NRK: variants seen among roughly 807,000 people sequenced by gnomAD.
NRK encodes Nik related kinase, also known as nik-related protein kinase.
NRK carries 67 observed loss-of-function variants against 125.2 expected under a neutral mutation model. The ratio of observed to expected loss-of-function variants is 0.54; its 90% confidence interval spans 0.44 to 0.66. The LOEUF is 0.66. NRK is among the 30% of genes least tolerant of loss of function. NRK has a pLI of 0.00. For synonymous variants in NRK, 458 were observed against 429.0 expected, an observed-to-expected ratio of 1.07 and a Z score of -0.84; for missense variants, 1,224 against 1,192.9, an observed-to-expected ratio of 1.03 and a Z score of -0.38.
At chrX:105,888,151 T>C (rs750813975) in intron 4 of NRK, 143 bp from the exon 5 acceptor site, 51 of 446,015 alleles carry the variant, frequency 1.1e-4, no homozygotes, top group Non-Finnish European at 1.6e-4. Flanking sequence ...TCACTGACCA[T>C]TTTAGTTGAG....
At chrX:105,846,469 T>G (rs1307997622) in intron 2 of NRK, among the ~76,000 whole-genome samples, 1 of 107,739 alleles carries the variant, frequency 9.3e-6, no homozygotes. Context: ...GAATATACTG[T>G]TTTTTTTTTC....
At chrX:105,870,587 C>A (rs1016543823) in intron 2 of NRK, among the ~76,000 whole-genome samples, 3 of 111,735 alleles carry the variant, frequency 2.7e-5, no homozygotes, top group African/African-American at 9.8e-5. Flanking sequence ...CTTTATTGTC[C>A]ATTTTGTACA....
At chrX:105,942,649 C>T (rs1267664539) in intron 23 of NRK, among the ~76,000 whole-genome samples, 5 of 111,602 alleles carry the variant, frequency 4.5e-5, no homozygotes, top group South Asian at 7.6e-4. Flanking sequence ...GGCAGAGTCT[C>T]GCTCTGTTGC....
rs969225506 is a variant in NRK at position 105,943,082 on chromosome X, G to T, written c.3959-859G>T. Among the ~76,000 whole-genome samples, 7 of 110,347 alleles carry T rather than the reference G, an allele frequency of 6.3e-5. No individual in the cohort carries two copies. In the Admixed American group the frequency reaches 6.7e-4, roughly 11 times the overall value. ...TTTTTCCTTTTCTTGCCTTATATTTGGGTGTCAAATATCAGAATTCATTGC... is the reference window on the plus strand; with the variant it reads ...TTTTTCCTTTTCTTGCCTTATATTTTGGTGTCAAATATCAGAATTCATTGC... On this transcript the variant is annotated intron_variant, in intron 23 of 28. Coordinates refer to ENST00000243300, the MANE Select transcript of NRK (RefSeq NM_198465.4).
rs1229374095 is a variant in NRK at position 105,824,898 on chromosome X, A to G, written c.57+1996A>G. ...TTTCCAGACTTAATGAAAGTCTCATAAAGTCCTCAGATTCTAACAATTTCT... is the reference window on the plus strand; with the variant it reads ...TTTCCAGACTTAATGAAAGTCTCATGAAGTCCTCAGATTCTAACAATTTCT... On this transcript the variant is annotated intron_variant, in intron 1 of 28. Coordinates refer to ENST00000243300, the MANE Select transcript of NRK (RefSeq NM_198465.4). Among the ~76,000 whole-genome samples, 4 of 111,644 alleles carry G rather than the reference A, an allele frequency of 3.6e-5. No homozygotes were observed. In the East Asian group the frequency reaches 1.1e-3, roughly 32 times the overall value.
rs182420464 is a variant in NRK, at chrX:105,824,553, A to G, written c.57+1651A>G. Among the ~76,000 whole-genome samples the G allele has an allele frequency of 1.5e-3, 162 of 108,745 alleles. 1 individual carries two copies. The highest frequency in any genetic ancestry group is 5.2e-3 in the African/African-American group (154 of 29,777). The allele number at this position is 108,745 out of a possible 115,157, so 94.4% of individuals were successfully genotyped here. A position where few individuals can be genotyped will look rare whatever the true frequency, so the allele number is the denominator to read the frequency against. Reference sequence around the variant, plus strand: ...TAAATGGGTGAGTGGTAAAGACGTCATAGAAATGATAGGACAGGGAATTCC... The same window carrying G: ...TAAATGGGTGAGTGGTAAAGACGTCGTAGAAATGATAGGACAGGGAATTCC... On this transcript the variant is annotated intron_variant, in intron 1 of 28. Coordinates refer to ENST00000243300, the MANE Select transcript of NRK (RefSeq NM_198465.4).
Position 105,957,573 on chromosome X carries a change from G to A in NRK, c.*1973G>A, listed in dbSNP as rs1424788470. The A allele has an allele frequency of 8.9e-6, 1 of 111,790 alleles. No homozygotes were observed. Among genetic ancestry groups the A allele is most frequent in the Non-Finnish European group, 1.9e-5 (1 of 53,152 alleles). 9.2% of individuals were successfully genotyped at this position (111,790 alleles called of 1,213,427 possible). ...GTAAGACAGTAAACTATTTTAGGAA[G>A]TCAACCCCCATTGCACTCTGTGGCA... On this transcript the variant is annotated 3_prime_UTR_variant, in exon 29 of 29. Coordinates refer to ENST00000243300, the MANE Select transcript of NRK (RefSeq NM_198465.4).
chrX:105,847,491 A>G (rs1489466730), intron 2 of NRK, among the ~76,000 whole-genome samples: 1 of 112,347 alleles, frequency 8.9e-6, no homozygotes, highest in Non-Finnish European at 1.9e-5. Flanking sequence ...TATGTAAAAT[A>G]TTTCAACAGC....
intron 2 of NRK, among the ~76,000 whole-genome samples, chrX:105,874,569 T>C (rs1416121635): frequency 8.9e-6 from 1 of 112,283 alleles, no homozygotes; most frequent in Non-Finnish European, 1.9e-5. Flanking sequence ...TAGAAATGTT[T>C]TATGACTGTT....
At chrX:105,840,867 A>G (rs751008579) in intron 2 of NRK, among the ~76,000 whole-genome samples, 11 of 101,391 alleles carry the variant, frequency 1.1e-4, no homozygotes, top group Non-Finnish European at 1.9e-4. Flanking sequence ...ATATATATAT[A>G]TATACATAGA....
intron 21 of NRK, among the ~76,000 whole-genome samples, chrX:105,936,852 T>C (rs1399724346): frequency 1.8e-5 from 2 of 111,611 alleles, no homozygotes; most frequent in Non-Finnish European, 3.8e-5. Flanking sequence ...TTGGCAACGG[T>C]AAATTTTTAA....
Position 105,857,928 on chromosome X carries a change from G to GCT in NRK, c.124-22270_124-22269dup, listed in dbSNP as rs1365508916. Among the ~76,000 whole-genome samples the GCT allele has an allele frequency of 3.6e-5, 4 of 109,834 alleles. No homozygotes were observed. In the East Asian group the frequency reaches 8.6e-4, roughly 24 times the overall value. ...TTCTCTCTCTGCTGTTTGTTTGCTTGCTAGTATCCATCCCTTGCATCCCTG... is the reference window on the plus strand; with the variant it reads ...TTCTCTCTCTGCTGTTTGTTTGCTTGCTCTAGTATCCATCCCTTGCATCCCTG... On this transcript the variant is annotated intron_variant, in intron 2 of 28. Coordinates refer to ENST00000243300, the MANE Select transcript of NRK (RefSeq NM_198465.4).
intron 7 of NRK, among the ~76,000 whole-genome samples, chrX:105,898,042 T>C (rs2147732357): frequency 8.9e-6 from 1 of 112,315 alleles, no homozygotes; most frequent in East Asian, 2.8e-4. Flanking sequence ...GACTGAACTT[T>C]TATAATCTAA....
At chrX:105,946,155 A>C (rs2147794551) in intron 25 of NRK, 140 bp downstream of exon 25, 1 of 767,553 alleles carries the variant, frequency 1.3e-6, no homozygotes, top group Non-Finnish European at 1.9e-6. Flanking sequence ...AACAGGTCTA[A>C]GAAAAACTGT....
chrX:105,833,299 A>T (rs1206152506), intron 2 of NRK, among the ~76,000 whole-genome samples: 1 of 111,813 alleles, frequency 8.9e-6, no homozygotes, highest in Non-Finnish European at 1.9e-5. Flanking sequence ...CTGAATGATT[A>T]TTTAATATTT....
At chrX:105,847,668 GA>G (rs1454576875) in intron 2 of NRK, among the ~76,000 whole-genome samples, 1 of 112,306 alleles carries the variant, frequency 8.9e-6, no homozygotes, top group Non-Finnish European at 1.9e-5. Flanking sequence ...CCCTGACCAG[GA>G]AGGTATCAGT....
intron 1 of NRK, among the ~76,000 whole-genome samples, chrX:105,826,186 T>C (rs1194031819): frequency 1.1e-5 from 1 of 91,262 alleles, no homozygotes; most frequent in Non-Finnish European, 2.1e-5. Flanking sequence ...ATCATATATA[T>C]GTGATAATAT....
At chrX:105,913,335 A>G (rs993166199) in intron 14 of NRK, among the ~76,000 whole-genome samples, 67 of 112,557 alleles carry the variant, frequency 6.0e-4, no homozygotes, top group African/African-American at 2.1e-3. Flanking sequence ...TCATTGATCT[A>G]TCTTATGCTA....
At chrX:105,823,265 C>G (rs2213342) in intron 1 of NRK, among the ~76,000 whole-genome samples, 1 of 112,141 alleles carries the variant, frequency 8.9e-6, no homozygotes, top group East Asian at 2.8e-4. Flanking sequence ...AAAAGTGCAA[C>G]GTCGGGTGGC....
Sources: gnomAD v4.1 joint callset for allele counts (sites outside exome capture counted in the v4.1 genomes callset) on GRCh38, gnomAD v4.1.1 for gene constraint, MANE v1.5 for transcripts, NCBI Gene and HGNC (gene_info 2026-07-23, HGNC 2026-07-21) for gene names.